The following COL6A6 variants were observed in gnomAD, a reference collection of about 807,000 sequenced individuals.
COL6A6 encodes collagen type VI alpha 6 chain.
In COL6A6, 183 loss-of-function variants were observed where a neutral mutation model predicts 208.6. The ratio of observed to expected loss-of-function variants is 0.88; its 90% CI spans 0.78 to 0.99. The LOEUF (loss-of-function observed/expected upper bound fraction) is 0.99. Ranked by LOEUF, COL6A6 falls within the 50% of genes least tolerant of loss-of-function variation. The pLI is 0.00. For missense variants in COL6A6, 2,816 were observed against 2,815.2 expected (o/e 1.00, Z -0.01); for synonymous variants, 973 against 1,011.8 (o/e 0.96, Z 0.73).
rs1177021616 is a variant in COL6A6 at position 130,634,202 on chromosome 3, T to TAAA, written c.4993-379_4993-377dup. Among the ~76,000 whole-genome samples, 67 of 36,358 alleles carry TAAA rather than the reference T, an allele frequency of 1.8e-3. 3 individuals are homozygous for TAAA. Among genetic ancestry groups the TAAA allele is most frequent in the African/African-American group, 2.7e-3 (7 of 2,634 alleles). 23.9% of individuals were successfully genotyped at this position (36,358 alleles called of 152,430 possible). A position where few individuals can be genotyped will look rare whatever the true frequency, so the allele number is the denominator to read the frequency against. On this transcript the variant is annotated intron_variant, in intron 26 of 36. Transcript: ENST00000358511. Reference sequence around the variant, plus strand: ...AAATAAATCTCAAGCTATAAAATGTTAAAAAAAAAAATAAATAAATAAATA... The same window carrying TAAA: ...AAATAAATCTCAAGCTATAAAATGTTAAAAAAAAAAAAAATAAATAAATAAATA...
Position 130,626,545 on chromosome 3 carries a change from C to G in COL6A6, c.4939C>G (p.Gln1647Glu). 1 of 1,610,548 alleles carries G rather than the reference C, an allele frequency of 6.2e-7. No individual in the cohort carries two copies. Reference protein sequence around the residue: ...AVGFPGPRGLQGNDGSPGYGS... With the variant: ...AVGFPGPRGLEGNDGSPGYGS... ...TGGCTTTCCTGGTCCTCGTGGCTTG[C>G]AGGTTTGTATTTTGACACTAGTTTT... is the stretch of plus-strand genomic sequence containing the variant. The change falls in exon 25 of 37, where the codon CAG becomes GAG. Residue 1647 changes from glutamine (Q) to glutamate (E), a missense_variant and splice_region_variant. Gln to Glu is a conservative substitution (Grantham distance 29). Coordinates refer to ENST00000358511, the MANE Select transcript of COL6A6 (RefSeq NM_001102608.3).
intron 36 of COL6A6, among the ~76,000 whole-genome samples, chr3:130,671,910 T>G (rs778103110): frequency 9.2e-5 from 14 of 152,216 alleles, no homozygotes; most frequent in Admixed American, 2.6e-4. Flanking sequence ...TATTGCTTCA[T>G]CCAGCCAGGG....
intron 21 of COL6A6, among the ~76,000 whole-genome samples, chr3:130,607,486 T>G (rs1038003353): frequency 9.9e-5 from 15 of 152,162 alleles, no homozygotes; most frequent in African/African-American, 3.4e-4. Context: ...TGACTTATAA[T>G]TTTATAAAAC....
At chr3:130,656,846 G>A (rs1443392945) in intron 33 of COL6A6, among the ~76,000 whole-genome samples, 2 of 152,256 alleles carry the variant, frequency 1.3e-5, no homozygotes, top group African/African-American at 4.8e-5. Context: ...ACTGCCCATG[G>A]TGTGTGCACA....
chr3:130,624,426 G>A (rs1032437233), intron 24 of COL6A6, among the ~76,000 whole-genome samples: 23 of 152,156 alleles, frequency 1.5e-4, no homozygotes, highest in Non-Finnish European at 1.2e-4. Context: ...TTAATTGGAG[G>A]ATGTAACAAG....
rs1018358121 is a variant in COL6A6 at position 130,671,486 on chromosome 3, C to G, written c.6597-3716C>G. Among the ~76,000 whole-genome samples the G allele has an allele frequency of 2.6e-5, 4 of 152,252 alleles. No individual in the cohort carries two copies. In the Middle Eastern group the frequency reaches 0.014, roughly 521 times the overall value. ...CATCAAGGAATTGAGACATGAAATC[C>G]ATACCACTGTCTGTGCATTCGCCAG... On this transcript the variant is annotated intron_variant, in intron 36 of 36. Transcript: ENST00000358511.
rs1193016975 is a variant in COL6A6, at chr3:130,565,129, T to C, written c.797T>C (p.Met266Thr). The C allele has an allele frequency of 6.2e-7, 1 of 1,613,792 alleles. No homozygotes were observed. The highest frequency in any genetic ancestry group is 1.3e-5 in the African/African-American group (1 of 74,880). ...GCCCTTGACATAAAGGAAAATTGCA[T>C]GAGGGTTGGCCTTGTGGCCTATAGC... ...VSALDIKENCMRVGLVAYSNE... is the reference protein window; with the variant it reads ...VSALDIKENCTRVGLVAYSNE... The change falls in exon 4 of 37, where the codon ATG becomes ACG. Residue 266 changes from methionine (M) to threonine (T), a missense_variant. Coordinates refer to ENST00000358511, the MANE Select transcript of COL6A6 (RefSeq NM_001102608.3).
At chr3:130,560,165 A>T (rs926410254) in intron 1 of COL6A6, among the ~76,000 whole-genome samples, 169 bp from the exon 2 acceptor site, 24 of 152,196 alleles carry the variant, frequency 1.6e-4, no homozygotes, top group African/African-American at 5.1e-4. Context: ...GTAAATATTG[A>T]TGGATTGTTT....
At chr3:130,672,931 A>AC (rs2066255778) in intron 36 of COL6A6, among the ~76,000 whole-genome samples, 2 of 149,634 alleles carry the variant, frequency 1.3e-5, no homozygotes, top group African/African-American at 4.9e-5. Context: ...ATCACTCGAA[A>AC]CCCGGGGGGG....
intron 8 of COL6A6, among the ~76,000 whole-genome samples, chr3:130,576,770 A>G (rs1478031671): frequency 3.9e-5 from 6 of 152,220 alleles, no homozygotes; most frequent in African/African-American, 1.4e-4. Context: ...ATGAAGCTGG[A>G]ATGAACACTG....
chr3:130,542,762 T>C (rs980198575), intron 1 of COL6A6, among the ~76,000 whole-genome samples: 3 of 152,224 alleles, frequency 2.0e-5, no homozygotes, highest in Non-Finnish European at 4.4e-5. Context: ...TTGACTCCTT[T>C]GTCATTAGGT....
At chr3:130,533,051 G>A (rs763956837) in intron 1 of COL6A6, among the ~76,000 whole-genome samples, 2 of 152,092 alleles carry the variant, frequency 1.3e-5, no homozygotes, top group Admixed American at 6.5e-5. Flanking sequence ...AGCATTGAAA[G>A]CCTGAGTCCA....
intron 33 of COL6A6, among the ~76,000 whole-genome samples, chr3:130,657,963 G>A (rs886093224): frequency 2.0e-5 from 3 of 152,092 alleles, no homozygotes; most frequent in African/African-American, 4.8e-5. Flanking sequence ...CATAATTCTT[G>A]TTCAGAGCCT....
intron 33 of COL6A6, among the ~76,000 whole-genome samples, chr3:130,653,307 T>C (rs937935704): frequency 2.6e-5 from 4 of 152,190 alleles, no homozygotes; most frequent in African/African-American, 9.7e-5. Context: ...AAATTAAGTG[T>C]AGTCTTTGAC....
At chr3:130,590,556 C>T (rs1280461475) in intron 12 of COL6A6, among the ~76,000 whole-genome samples, 2 of 145,166 alleles carry the variant, frequency 1.4e-5, no homozygotes, top group Non-Finnish European at 3.0e-5. Flanking sequence ...TGAGAACATG[C>T]GGTGTTTGGT....
chr3:130,553,589 A>ACT (rs892780811), intron 1 of COL6A6, among the ~76,000 whole-genome samples: 11 of 147,354 alleles, frequency 7.5e-5, no homozygotes, highest in East Asian at 4.0e-4. Flanking sequence ...TTTGATTTTG[A>ACT]CTCTCTCTCT....
chr3:130,530,002 AT>A (rs2062046164), intron 1 of COL6A6, among the ~76,000 whole-genome samples: 2 of 152,282 alleles, frequency 1.3e-5, no homozygotes, highest in African/African-American at 2.4e-5. Context: ...ATTGTTTGAT[AT>A]GCAAATCCTG....
At chr3:130,619,953 T>A (rs1289341982) in intron 23 of COL6A6, among the ~76,000 whole-genome samples, 3 of 152,244 alleles carry the variant, frequency 2.0e-5, no homozygotes, top group African/African-American at 7.2e-5. Context: ...TTTATTTTTT[T>A]AGACAGAGTC....
chr3:130,519,004 T>G (rs975231107), intron 1 of COL6A6, among the ~76,000 whole-genome samples: 3 of 152,226 alleles, frequency 2.0e-5, no homozygotes, highest in African/African-American at 7.2e-5. Context: ...TTTGCTAAAT[T>G]TTTTGTGAAC....
Sources: gnomAD v4.1 joint callset for allele counts (sites outside exome capture counted in the v4.1 genomes callset) on GRCh38, gnomAD v4.1.1 for gene constraint, MANE v1.5 for transcripts, NCBI Gene and HGNC (gene_info 2026-07-23, HGNC 2026-07-21) for gene names.